The following WFDC1 variants were observed in gnomAD, a reference collection of about 807,000 sequenced individuals.
The protein encoded by WFDC1 is WAP four-disulfide core domain 1.
Under a neutral mutation model 32.9 loss-of-function variants are expected in WFDC1, and 39 were observed. That is an observed-to-expected ratio of 1.19 (90% CI 0.92 to 1.55). The LOEUF is 1.55. Ranked by LOEUF, WFDC1 falls within the 40% of genes most tolerant of loss-of-function variation. WFDC1 has a pLI of 0.00. For synonymous variants in WFDC1, 184 were observed against 137.4 expected, an observed-to-expected ratio of 1.34 and a Z score of -2.37; for missense variants, 386 against 309.5, an observed-to-expected ratio of 1.25 and a Z score of -1.85.
At chr16:84,325,365 G>T (rs1048881281) in intron 5 of WFDC1, among the ~76,000 whole-genome samples, 1 of 152,044 alleles carries the variant, frequency 6.6e-6, no homozygotes, top group African/African-American at 2.4e-5. Context: ...ACCATACCTG[G>T]ATAATTTTTG....
chr16:84,324,343 C>T (rs989323110), intron 4 of WFDC1, 76 bp from the exon 5 acceptor site: 7 of 1,335,484 alleles, frequency 5.2e-6, no homozygotes, highest in Middle Eastern at 1.8e-4. Context: ...ACAAGTAATT[C>T]CTCAGTGTTA....
Position 84,312,953 on chromosome 16 carries a change from C to T in WFDC1, c.145-8C>T. ...CCCAGAGCTGCTGACACCGCCCTCT[C>T]CCCGCAGGCCGAGGAGGCGGGCGCG... On this transcript the variant is annotated splice_region_variant and splice_polypyrimidine_tract_variant and intron_variant, in intron 1 of 6. Coordinates refer to ENST00000219454, the MANE Select transcript of WFDC1 (RefSeq NM_021197.4). The T allele has an allele frequency of 1.7e-6, 2 of 1,155,018 alleles. No homozygotes were observed. The highest frequency in any genetic ancestry group is 1.1e-6 in the Non-Finnish European group (1 of 939,470). The allele number at this position is 1,155,018 out of a possible 1,614,324, so 71.5% of individuals were successfully genotyped here. A position where few individuals can be genotyped will look rare whatever the true frequency, so the allele number is the denominator to read the frequency against.
In WFDC1 at chr16:84,295,201, T is replaced by G; in HGVS notation, c.144+86T>G. 2.0e-6 allele frequency: 3 copies of G among 1,527,874 alleles called. No individual in the cohort carries two copies. In the Admixed American group the frequency reaches 5.5e-5, roughly 28 times the overall value. The allele number at this position is 1,527,874 out of a possible 1,614,324, so 94.6% of individuals were successfully genotyped here. On this transcript the variant is annotated intron_variant, in intron 1 of 6. Coordinates refer to ENST00000219454, the MANE Select transcript of WFDC1 (RefSeq NM_021197.4). ...GAGGCGATCCCTAGACACTGCCTTC[T>G]CCTGTAAGTGCTCCCCCAAAACGTG... is the stretch of plus-strand genomic sequence containing the variant.
At chr16:84,311,911 A>T (rs1395990372) in intron 1 of WFDC1, among the ~76,000 whole-genome samples, 1 of 151,896 alleles carries the variant, frequency 6.6e-6, no homozygotes, top group African/African-American at 2.4e-5. Flanking sequence ...CACACCTGTA[A>T]TCCCAGCACT....
intron 1 of WFDC1, among the ~76,000 whole-genome samples, chr16:84,306,088 C>G (rs1016417589): frequency 3.3e-5 from 5 of 151,842 alleles, no homozygotes; most frequent in African/African-American, 4.8e-5. Flanking sequence ...TAGCATTGCC[C>G]GTGCTGAGCC....
intron 1 of WFDC1, among the ~76,000 whole-genome samples, chr16:84,309,564 G>A (rs775521791): frequency 6.6e-6 from 1 of 152,056 alleles, no homozygotes; most frequent in Non-Finnish European, 1.5e-5. Flanking sequence ...TCCAGGGGCC[G>A]CCGTAACAAA....
rs370380475 is a variant in WFDC1 at position 84,324,434 on chromosome 16, G to C, written c.578G>C (p.Arg193Pro). The change falls in exon 5 of 7, where the codon CGA (arginine) becomes CCA (proline). Residue 193 changes from arginine (R) to proline (P), a missense_variant. Physicochemically the swap from Arg to Pro is moderately radical, Grantham distance 103. Transcript: ENST00000219454. ...QRRQADGRIL[R>P]HKLYKEYPEG... ...TGTTTTCCAGATGGGCGAATCCTAC[G>C]ACACAAACTTTACAAAGAATATCCA... 16 of 1,613,596 alleles carry C rather than the reference G, an allele frequency of 9.9e-6. No individual in the cohort carries two copies. Among genetic ancestry groups the C allele is most frequent in the Non-Finnish European group, 1.3e-5 (15 of 1,179,926 alleles).
chr16:84,313,265 C>T (rs1228528081), intron 2 of WFDC1, 112 bp downstream of exon 2: 58 of 1,047,512 alleles, frequency 5.5e-5, no homozygotes, highest in South Asian at 4.4e-4. Context: ...CTGGGCGGGT[C>T]TCGGGCGCCT....
intron 4 of WFDC1, among the ~76,000 whole-genome samples, chr16:84,320,325 A>G (rs978761001): frequency 6.6e-6 from 1 of 152,202 alleles, no homozygotes; most frequent in Non-Finnish European, 1.5e-5. Context: ...TGTAGGGGGT[A>G]TATCAGTACA....
At chr16:84,318,673 C>A (rs1597688039) in intron 3 of WFDC1, 2 of 276,194 alleles carry the variant, frequency 7.2e-6, no homozygotes, top group East Asian at 7.1e-5. Context: ...TCACCGCTCT[C>A]TAATGATGAA....
At chr16:84,300,389 A>G (rs772582248) in intron 1 of WFDC1, among the ~76,000 whole-genome samples, 1 of 152,242 alleles carries the variant, frequency 6.6e-6, no homozygotes, top group Non-Finnish European at 1.5e-5. Flanking sequence ...CCACCTGCTC[A>G]TTAACACTCC....
chr16:84,313,183 A>T, intron 2 of WFDC1, 30 bp downstream of exon 2: 1 of 1,395,372 alleles, frequency 7.2e-7, no homozygotes, highest in Non-Finnish European at 9.2e-7. Flanking sequence ...GAGGGGGCTG[A>T]GGGAGGAGGA....
At chr16:84,297,709 G>C (rs1906693809) in intron 1 of WFDC1, among the ~76,000 whole-genome samples, 1 of 151,776 alleles carries the variant, frequency 6.6e-6, no homozygotes, top group Non-Finnish European at 1.5e-5. Flanking sequence ...AGAGGACAGG[G>C]AGGGCTGGGA....
chr16:84,328,088 A>T (rs1054004575), intron 6 of WFDC1: 1 of 152,946 alleles, frequency 6.5e-6, no homozygotes, highest in East Asian at 1.9e-4. Flanking sequence ...CTGAGCCAAG[A>T]TCCAAGGTGA....
intron 4 of WFDC1, among the ~76,000 whole-genome samples, chr16:84,321,626 A>C (rs2068206442): frequency 6.6e-6 from 1 of 152,166 alleles, no homozygotes; most frequent in South Asian, 2.1e-4. Flanking sequence ...AAACCAGTTA[A>C]AAAAATTCCC....
chr16:84,311,276 A>C (rs570086219), intron 1 of WFDC1, among the ~76,000 whole-genome samples: 1 of 146,396 alleles, frequency 6.8e-6, no homozygotes, highest in African/African-American at 2.5e-5. Flanking sequence ...ATGGAGTCTC[A>C]CTCTGTCACC....
At chr16:84,322,671 T>C (rs531849930) in intron 4 of WFDC1, among the ~76,000 whole-genome samples, 2 of 152,316 alleles carry the variant, frequency 1.3e-5, no homozygotes, top group Admixed American at 6.5e-5. Flanking sequence ...CGGGTACCAA[T>C]AGTCCTTCAA....
chr16:84,327,443 C>G (rs1325002085), intron 6 of WFDC1: 1 of 154,772 alleles, frequency 6.5e-6, no homozygotes. Context: ...AAGCAGTCCT[C>G]CCACTTTGGC....
At chr16:84,296,248 C>A (rs1307411719) in intron 1 of WFDC1, among the ~76,000 whole-genome samples, 1 of 152,236 alleles carries the variant, frequency 6.6e-6, no homozygotes, top group African/African-American at 2.4e-5. Flanking sequence ...GGCAGTGCAT[C>A]TTGGCAGCTT....
Sources: allele counts gnomAD v4.1 joint callset (sites outside exome capture counted in the v4.1 genomes callset), GRCh38; gene constraint gnomAD v4.1.1; transcripts MANE v1.5; gene names NCBI Gene and HGNC (gene_info 2026-07-23, HGNC 2026-07-21).